DRC9: variants seen among roughly 807,000 people sequenced by gnomAD.
DRC9 encodes the protein dynein regulatory complex subunit 9, also known as dynein regulatory complex protein 9.
chr3:197,945,594 A>G, the DRC9 span: 2 of 1,524,782 alleles, frequency 1.3e-6, no homozygotes, highest in East Asian at 2.3e-5. Context: ...ACATGTATAC[A>G]AAAAACATTG....
chr3:197,930,900 G>A, the DRC9 span, among the ~76,000 whole-genome samples: 1 of 151,916 alleles, frequency 6.6e-6, no homozygotes, highest in Admixed American at 6.6e-5. Context: ...CAGGCGCAGT[G>A]GTGGGTGCCT....
the DRC9 span, among the ~76,000 whole-genome samples, chr3:197,904,210 C>A: frequency 1.3e-5 from 2 of 151,266 alleles, no homozygotes; most frequent in Non-Finnish European, 2.9e-5. Flanking sequence ...CATCACAGAT[C>A]ATCGGAGAAA....
the DRC9 span, among the ~76,000 whole-genome samples, chr3:197,935,448 AAAAAG>A: frequency 1.7e-4 from 15 of 88,242 alleles, no homozygotes; most frequent in South Asian, 1.6e-3. Context: ...CCAAAAAAAA[AAAAAG>A]AAAAGAAAAG....
the DRC9 span, among the ~76,000 whole-genome samples, chr3:197,922,280 G>A: frequency 6.6e-6 from 1 of 152,222 alleles, no homozygotes; most frequent in African/African-American, 2.4e-5. Context: ...TCAGGAGCAA[G>A]TGTTGTTGCT....
chr3:197,897,377 G>A, the DRC9 span, among the ~76,000 whole-genome samples: 1 of 152,072 alleles, frequency 6.6e-6, no homozygotes, highest in East Asian at 1.9e-4. Flanking sequence ...ACAAATTCTA[G>A]ATATTACAAT....
chr3:197,947,356 G>C, the DRC9 span, among the ~76,000 whole-genome samples: 3 of 152,202 alleles, frequency 2.0e-5, no homozygotes, highest in East Asian at 5.8e-4. Context: ...ACCCTTCAAT[G>C]GTTTCCCGTT....
At chr3:197,933,029 T>TA in the DRC9 span, among the ~76,000 whole-genome samples, 1 of 139,482 alleles carries the variant, frequency 7.2e-6, no homozygotes. Flanking sequence ...ATATAAAATA[T>TA]TATATATTAT....
At chr3:197,952,176 T>C in the DRC9 span, among the ~76,000 whole-genome samples, 1 of 139,932 alleles carries the variant, frequency 7.1e-6, no homozygotes, top group Admixed American at 7.1e-5. Context: ...TTTTTTTTTT[T>C]TTTTTTTTTT....
chr3:197,938,700 C>T, the DRC9 span: 18 of 1,613,954 alleles, frequency 1.1e-5, no homozygotes, highest in African/African-American at 2.7e-5. Context: ...CAGTTATTAA[C>T]GGACTGGGTA....
the DRC9 span, among the ~76,000 whole-genome samples, chr3:197,930,613 A>C: frequency 6.6e-6 from 1 of 151,410 alleles, no homozygotes. Context: ...GGTGGCACAC[A>C]CCTGTGGTCC....
chr3:197,911,639 T>A, the DRC9 span, among the ~76,000 whole-genome samples: 1 of 152,166 alleles, frequency 6.6e-6, no homozygotes, highest in African/African-American at 2.4e-5. Flanking sequence ...TGTAAAAGAT[T>A]AGTAAATTTT....
chr3:197,937,795 T>C, the DRC9 span, among the ~76,000 whole-genome samples: 3 of 151,906 alleles, frequency 2.0e-5, no homozygotes, highest in African/African-American at 7.2e-5. Context: ...TTTTTAATAA[T>C]TGAAAACAGC....
At chr3:197,907,698 A>T in the DRC9 span, among the ~76,000 whole-genome samples, 3 of 152,264 alleles carry the variant, frequency 2.0e-5, no homozygotes, top group Non-Finnish European at 4.4e-5. Flanking sequence ...TGACTGTACC[A>T]GGTCTGAAGA....
the DRC9 span, among the ~76,000 whole-genome samples, chr3:197,935,877 G>A: frequency 6.6e-6 from 1 of 152,126 alleles, no homozygotes; most frequent in Non-Finnish European, 1.5e-5. Context: ...CTCTGCCCAG[G>A]TCATCAGAAC....
chr3:197,931,612 C>G, the DRC9 span, among the ~76,000 whole-genome samples: 2 of 151,774 alleles, frequency 1.3e-5, no homozygotes, highest in African/African-American at 4.8e-5. Context: ...TGAATTAAAT[C>G]TATTTTTTTT....
chr3:197,897,405 T>C, the DRC9 span, among the ~76,000 whole-genome samples: 5 of 152,292 alleles, frequency 3.3e-5, no homozygotes, highest in South Asian at 1.0e-3. Context: ...CGCTATATTC[T>C]TTTTTTGGTT....
chr3:197,914,866 C>A, the DRC9 span, among the ~76,000 whole-genome samples: 1 of 152,010 alleles, frequency 6.6e-6, no homozygotes, highest in East Asian at 1.9e-4. Context: ...AAGCCCACCA[C>A]ATGAAAAATA....
the DRC9 span, among the ~76,000 whole-genome samples, chr3:197,915,650 A>T: frequency 6.6e-6 from 1 of 151,998 alleles, no homozygotes; most frequent in Non-Finnish European, 1.5e-5. Context: ...TTTTTTTGAG[A>T]TGGAGGCTCG....
the DRC9 span, among the ~76,000 whole-genome samples, chr3:197,893,985 T>C: frequency 6.6e-6 from 1 of 152,306 alleles, no homozygotes; most frequent in African/African-American, 2.4e-5. Context: ...TGTACTACTG[T>C]AGCAAAATAA....
Sources: gnomAD v4.1 joint callset for allele counts (sites outside exome capture counted in the v4.1 genomes callset) on GRCh38, gnomAD v4.1.1 for gene constraint, MANE v1.5 for transcripts, NCBI Gene and HGNC (gene_info 2026-07-23, HGNC 2026-07-21) for gene names.